Variants in LIN7A observed in about 807,000 individuals in gnomAD.
LIN7A encodes lin-7 cell polarity scaffold A.
In LIN7A, 25 loss-of-function variants were observed where a neutral mutation model predicts 29.8. That is an observed-to-expected ratio of 0.84 (90% CI 0.61 to 1.17). LIN7A has a LOEUF of 1.17. Ranked by LOEUF, LIN7A falls within the 50% of genes most tolerant of loss-of-function variation. The pLI is 0.00. For missense variants in LIN7A, 239 were observed against 287.0 expected, an observed-to-expected ratio of 0.83 and a Z score of 1.21; for synonymous variants, 118 against 107.5, an observed-to-expected ratio of 1.10 and a Z score of -0.60.
intron 1 of LIN7A, among the ~76,000 whole-genome samples, chr12:80,910,977 G>A (rs1876718459): frequency 6.6e-6 from 1 of 152,090 alleles, no homozygotes; most frequent in Admixed American, 6.6e-5. Context: ...TTTGTTATAT[G>A]CTTGGCAGAA....
intron 4 of LIN7A, among the ~76,000 whole-genome samples, chr12:80,833,925 C>A (rs1364525117): frequency 6.6e-6 from 1 of 152,168 alleles, no homozygotes; most frequent in African/African-American, 2.4e-5. Flanking sequence ...GGCATTTCTC[C>A]TCTAGATTGC....
intron 1 of LIN7A, among the ~76,000 whole-genome samples, chr12:80,913,545 C>T (rs910216788): frequency 3.3e-5 from 5 of 152,016 alleles, no homozygotes; most frequent in African/African-American, 7.3e-5. Context: ...CAATACCAGC[C>T]GGAGAAAAGA....
chr12:80,871,023 G>T (rs1341681997), intron 2 of LIN7A, among the ~76,000 whole-genome samples: 1 of 152,142 alleles, frequency 6.6e-6, no homozygotes, highest in African/African-American at 2.4e-5. Flanking sequence ...AAATAGAAAT[G>T]ATCTAAGCCC....
chr12:80,801,628 G>A (rs1870726167), intron 5 of LIN7A, among the ~76,000 whole-genome samples: 1 of 152,130 alleles, frequency 6.6e-6, no homozygotes, highest in Non-Finnish European at 1.5e-5. Context: ...AATGTGAAAT[G>A]ATTAAACCAG....
intron 1 of LIN7A, chr12:80,935,852 CT>C: frequency 2.2e-6 from 1 of 464,956 alleles, no homozygotes. Flanking sequence ...AAAAATAAAT[CT>C]TAGTCCGATT....
chr12:80,923,312 G>T (rs374584142), intron 1 of LIN7A, among the ~76,000 whole-genome samples: 2 of 152,058 alleles, frequency 1.3e-5, no homozygotes, highest in Non-Finnish European at 2.9e-5. Flanking sequence ...GTTCTGAGGG[G>T]CCTGTGGGTC....
chr12:80,839,366 A>G (rs11114633), intron 4 of LIN7A, among the ~76,000 whole-genome samples: 60,252 of 152,014 alleles, frequency 0.4, 12,100 homozygotes, highest in Non-Finnish European at 0.42. Flanking sequence ...TGGGACTGAT[A>G]ATAATAACAC....
At position 80,819,600 on chromosome 12, in the gene LIN7A, A is replaced by G. The variant is rs537553990; in HGVS notation, c.484-7917T>C. Reference sequence around the variant, plus strand: ...ACATCAATATAAAATATAAAGTCTTATAGGCTAAGGAACCAGTATTGCCTG... The same window carrying G: ...ACATCAATATAAAATATAAAGTCTTGTAGGCTAAGGAACCAGTATTGCCTG... On this transcript the variant is annotated intron_variant, in intron 4 of 5. Coordinates refer to ENST00000552864, the MANE Select transcript of LIN7A (RefSeq NM_004664.4). 2.8e-4 allele frequency among the ~76,000 whole-genome samples: 42 copies of G among 152,362 alleles called. No homozygotes were observed. The South Asian group carries it at 4.1e-3, about 15-fold the overall frequency.
intron 1 of LIN7A, among the ~76,000 whole-genome samples, chr12:80,910,748 T>A (rs746392643): frequency 3.7e-4 from 57 of 152,338 alleles, no homozygotes; most frequent in Non-Finnish European, 1.9e-4. Flanking sequence ...TTTGTATGTG[T>A]ATCCTTTTTG....
chr12:80,926,148 C>T (rs1877569933), intron 1 of LIN7A, among the ~76,000 whole-genome samples: 1 of 152,166 alleles, frequency 6.6e-6, no homozygotes, highest in Admixed American at 6.5e-5. Flanking sequence ...CTGCACTTTG[C>T]TCTCTGGAAT....
chr12:80,846,555 A>G (rs773901981), intron 3 of LIN7A, among the ~76,000 whole-genome samples: 2 of 152,184 alleles, frequency 1.3e-5, no homozygotes, highest in Admixed American at 1.3e-4. Context: ...ATAGATTCAA[A>G]CAGATTATTG....
chr12:80,887,153 T>A (rs1875371424), intron 2 of LIN7A, among the ~76,000 whole-genome samples: 1 of 152,080 alleles, frequency 6.6e-6, no homozygotes, highest in Admixed American at 6.6e-5. Context: ...CATATCACCA[T>A]CTAGTTCATT....
chr12:80,845,168 C>T (rs1421697648), intron 4 of LIN7A, among the ~76,000 whole-genome samples: 3 of 146,350 alleles, frequency 2.0e-5, no homozygotes, highest in African/African-American at 5.1e-5. Context: ...ACCCGGGAGG[C>T]GGAGCTTGCA....
At chr12:80,888,133 C>T (rs909563538) in intron 2 of LIN7A, among the ~76,000 whole-genome samples, 1 of 151,994 alleles carries the variant, frequency 6.6e-6, no homozygotes, top group African/African-American at 2.4e-5. Flanking sequence ...AACTTAGAGA[C>T]GTTATTATGG....
chr12:80,900,282 GTTAT>G (rs1876143921), intron 1 of LIN7A, among the ~76,000 whole-genome samples: 1 of 152,002 alleles, frequency 6.6e-6, no homozygotes, highest in African/African-American at 2.4e-5. Context: ...TCTGATTTTG[GTTAT>G]TTTTTTGTCT....
At chr12:80,921,986 A>T (rs1410157314) in intron 1 of LIN7A, among the ~76,000 whole-genome samples, 1 of 152,218 alleles carries the variant, frequency 6.6e-6, no homozygotes, top group East Asian at 1.9e-4. Context: ...AGTAATGTGC[A>T]TTAAATTCTA....
intron 2 of LIN7A, among the ~76,000 whole-genome samples, chr12:80,883,976 T>A (rs962964427): frequency 6.6e-5 from 10 of 152,110 alleles, no homozygotes; most frequent in African/African-American, 2.4e-4. Flanking sequence ...ACGGATAAAC[T>A]CCAAATAGTT....
chr12:80,826,989 T>G (rs1328414421), intron 4 of LIN7A, among the ~76,000 whole-genome samples: 1 of 152,222 alleles, frequency 6.6e-6, no homozygotes, highest in Admixed American at 6.5e-5. Flanking sequence ...TTAGCTAATC[T>G]GAAGAGGGCT....
At chr12:80,807,082 T>TTTTTTTTGTTTTG (rs1871066350) in intron 5 of LIN7A, among the ~76,000 whole-genome samples, 1 of 134,584 alleles carries the variant, frequency 7.4e-6, no homozygotes. Flanking sequence ...TTTTTTTTTT[T>TTTTTTTTGTTTTG]TTTTTTTTTG....
Sources: gnomAD v4.1 joint callset for allele counts (sites outside exome capture counted in the v4.1 genomes callset) on GRCh38, gnomAD v4.1.1 for gene constraint, MANE v1.5 for transcripts, NCBI Gene and HGNC (gene_info 2026-07-23, HGNC 2026-07-21) for gene names.